Variants in COMMD1 observed in about 807,000 individuals in gnomAD.
COMMD1 encodes the protein COMM domain-containing protein 1.
COMMD1 carries 10 observed loss-of-function variants against 17.2 expected under a neutral mutation model. That is an observed-to-expected ratio of 0.58 (90% CI 0.36 to 0.99). The LOEUF is 0.99. COMMD1 is among the 50% of genes least tolerant of loss of function. The pLI, the probability that COMMD1 is intolerant of heterozygous loss-of-function variation, is 0.01. For synonymous variants in COMMD1, 97 were observed against 91.6 expected, an observed-to-expected ratio of 1.06 and a Z score of -0.34; for missense variants, 270 against 231.8, an observed-to-expected ratio of 1.17 and a Z score of -1.07.
chr2:61,910,698 A>T (rs1254171373), intron 1 of COMMD1, among the ~76,000 whole-genome samples: 1 of 152,224 alleles, frequency 6.6e-6, no homozygotes, highest in South Asian at 2.1e-4. Flanking sequence ...GCATAATCTA[A>T]CTATGAAGAT....
chr2:62,041,341 A>G (rs1317737881), intron 2 of COMMD1, among the ~76,000 whole-genome samples: 1 of 152,108 alleles, frequency 6.6e-6, no homozygotes, highest in Non-Finnish European at 1.5e-5. Context: ...TTACATTTGT[A>G]AAGTTGATGT....
intron 1 of COMMD1, among the ~76,000 whole-genome samples, chr2:61,897,758 A>C (rs920015187): frequency 6.6e-6 from 1 of 151,866 alleles, no homozygotes. Flanking sequence ...TTTAAAAAAA[A>C]TATATATATA....
chr2:62,074,946 A>G (rs1257517462), intron 2 of COMMD1, among the ~76,000 whole-genome samples: 1 of 146,846 alleles, frequency 6.8e-6, no homozygotes, highest in Admixed American at 6.9e-5. Context: ...CTGGAGTGCA[A>G]TGGCGCAATC....
chr2:61,901,726 A>C (rs945013045), upstream of COMMD1, among the ~76,000 whole-genome samples: 9 of 152,210 alleles, frequency 5.9e-5, no homozygotes, highest in Non-Finnish European at 1.0e-4. Context: ...GATATTTAGA[A>C]AAATCAGATA....
chr2:62,064,499 T>C (rs1294431270), intron 2 of COMMD1, among the ~76,000 whole-genome samples: 1 of 152,166 alleles, frequency 6.6e-6, no homozygotes, highest in African/African-American at 2.4e-5. Context: ...ATTCCTGTGT[T>C]TTATAATTTT....
upstream of COMMD1, among the ~76,000 whole-genome samples, chr2:61,903,781 A>T (rs182758880): frequency 2.5e-3 from 383 of 151,954 alleles, 6 homozygotes; most frequent in Middle Eastern, 6.8e-3. Flanking sequence ...ACCTCAGGTG[A>T]TCCACCCACC....
chr2:62,006,686 T>C (rs890295828), intron 2 of COMMD1, among the ~76,000 whole-genome samples: 2 of 152,236 alleles, frequency 1.3e-5, no homozygotes, highest in Admixed American at 6.5e-5. Flanking sequence ...CCTGTCATAT[T>C]TGGCCATAAA....
At chr2:62,112,627 G>A (rs1573200333) in intron 2 of COMMD1, among the ~76,000 whole-genome samples, 1 of 152,176 alleles carries the variant, frequency 6.6e-6, no homozygotes, top group East Asian at 1.9e-4. Context: ...TTGGGTGCTT[G>A]TACATATGCC....
intron 2 of COMMD1, among the ~76,000 whole-genome samples, chr2:62,106,135 T>C (rs1672319686): frequency 6.6e-6 from 1 of 152,214 alleles, no homozygotes; most frequent in South Asian, 2.1e-4. Flanking sequence ...TGTGCTGATA[T>C]TACAGGCATA....
chr2:62,089,951 G>T (rs1369365986), intron 2 of COMMD1, among the ~76,000 whole-genome samples: 2 of 152,132 alleles, frequency 1.3e-5, no homozygotes, highest in Admixed American at 1.3e-4. Context: ...GCACTAGGAA[G>T]GCTCATTCCT....
chr2:62,015,338 A>T (rs1447388971), intron 2 of COMMD1, among the ~76,000 whole-genome samples: 1 of 152,162 alleles, frequency 6.6e-6, no homozygotes, highest in Non-Finnish European at 1.5e-5. Context: ...TCGTTGTTGT[A>T]GTACATATCA....
rs4614924 is a variant in COMMD1, at chr2:61,896,829, T to G, written n.119+7987T>G. Among the ~76,000 whole-genome samples, 920 of 150,702 alleles carry G rather than the reference T, an allele frequency of 6.1e-3. 9 individuals carry two copies. Among genetic ancestry groups the G allele is most frequent in the African/African-American group, 0.021 (861 of 41,052 alleles). On this transcript the variant is annotated intron_variant and non_coding_transcript_variant, in intron 1 of 2. Coordinates refer to the COMMD1 transcript ENST00000472729. ...GTTCTTTTTCCTTTTCTTTTTTTTT[T>G]TTTTTTGTTTTTTTTAGACAGTCTT...
chr2:62,130,857 A>G (rs1048448093), intron 2 of COMMD1, among the ~76,000 whole-genome samples: 5 of 152,092 alleles, frequency 3.3e-5, no homozygotes, highest in African/African-American at 1.2e-4. Flanking sequence ...AAAACCAAAC[A>G]TTTGCTTACT....
At chr2:61,968,262 A>G (rs1005421697) in intron 1 of COMMD1, among the ~76,000 whole-genome samples, 15 of 152,202 alleles carry the variant, frequency 9.9e-5, no homozygotes, top group Admixed American at 5.9e-4. Context: ...TGAAATTAGC[A>G]TACTTGTGAG....
At chr2:61,980,823 C>T (rs1444428781) in intron 1 of COMMD1, among the ~76,000 whole-genome samples, 1 of 152,054 alleles carries the variant, frequency 6.6e-6, no homozygotes, top group Non-Finnish European at 1.5e-5. Flanking sequence ...AAGTCCTTGC[C>T]CACGCCTATG....
intron 2 of COMMD1, among the ~76,000 whole-genome samples, chr2:62,125,269 A>G (rs983327040): frequency 6.6e-6 from 1 of 152,254 alleles, no homozygotes; most frequent in Non-Finnish European, 1.5e-5. Context: ...TTCATTTATT[A>G]GAGTAAATTC....
At chr2:62,126,193 C>A (rs568923235) in intron 2 of COMMD1, among the ~76,000 whole-genome samples, 5 of 152,146 alleles carry the variant, frequency 3.3e-5, no homozygotes, top group African/African-American at 1.2e-4. Flanking sequence ...TGGGTTGATT[C>A]CATGTCTTTG....
intron 2 of COMMD1, among the ~76,000 whole-genome samples, chr2:62,130,592 G>A (rs762881009): frequency 3.3e-5 from 5 of 152,168 alleles, no homozygotes; most frequent in Non-Finnish European, 5.9e-5. Flanking sequence ...ATAAATTAGA[G>A]GATAAAGCGT....
intron 2 of COMMD1, among the ~76,000 whole-genome samples, chr2:62,064,076 G>A (rs1411374007): frequency 1.3e-5 from 2 of 151,332 alleles, no homozygotes; most frequent in Non-Finnish European, 2.9e-5. Flanking sequence ...TTTTTATTCT[G>A]TATCTGATTA....
Sources: allele counts gnomAD v4.1 joint callset (sites outside exome capture counted in the v4.1 genomes callset), GRCh38; gene constraint gnomAD v4.1.1; transcripts MANE v1.5; gene names NCBI Gene and HGNC (gene_info 2026-07-23, HGNC 2026-07-21).